SMC1B: variants seen among roughly 807,000 people sequenced by gnomAD.
SMC1B encodes the protein structural maintenance of chromosomes 1B.
In SMC1B, 60 loss-of-function variants were observed where a neutral mutation model predicts 157.9. That is an observed-to-expected ratio of 0.38 (90% CI 0.31 to 0.47). The LOEUF (loss-of-function observed/expected upper bound fraction) is 0.47, where lower values mean the gene tolerates loss of function less well. Ranked by LOEUF, SMC1B falls within the 20% of genes least tolerant of loss-of-function variation. The pLI, the probability that SMC1B is intolerant of heterozygous loss-of-function variation, is 0.99. For synonymous variants in SMC1B, 445 were observed against 483.0 expected, an observed-to-expected ratio of 0.92 and a Z score of 1.03; for missense variants, 1,165 against 1,426.2, an observed-to-expected ratio of 0.82 and a Z score of 2.95.
In SMC1B at chr22:45,359,873, C is replaced by T. The variant is rs1230121136; in HGVS notation, c.2794G>A (p.Asp932Asn). The change falls in exon 18 of 25, where the codon GAT becomes AAT. Residue 932 changes from aspartate (D) to asparagine (N), a missense_variant. Physicochemically the swap from Asp to Asn is conservative, Grantham distance 23. Transcript: ENST00000357450. ...KRLEKHNLLL[D>N]CKVQDIEIIL... is the part of the protein sequence containing the mutation. Reference sequence around the variant, plus strand: ...ATCTCAATGTCTTGCACTTTGCAATCAAGCAGCAAGTTATGCTTCTCTAAT... The same window carrying T: ...ATCTCAATGTCTTGCACTTTGCAATTAAGCAGCAAGTTATGCTTCTCTAAT... 1.2e-6 allele frequency: 2 copies of T among 1,614,154 alleles called. No homozygotes were observed. Among genetic ancestry groups the T allele is most frequent in the Non-Finnish European group, 1.7e-6 (2 of 1,179,994 alleles).
At chr22:45,398,388 G>A (rs1049815143) in intron 6 of SMC1B, among the ~76,000 whole-genome samples, 6 of 152,206 alleles carry the variant, frequency 3.9e-5, no homozygotes, top group East Asian at 1.9e-4. Context: ...GTGAGCAGTC[G>A]TGGCAGCTGT....
At chr22:45,380,406 C>T (rs951270647) in intron 12 of SMC1B, among the ~76,000 whole-genome samples, 3 of 152,064 alleles carry the variant, frequency 2.0e-5, no homozygotes, top group Non-Finnish European at 4.4e-5. Flanking sequence ...TTTTAATTTT[C>T]TCCTTCTCTA....
intron 10 of SMC1B, 60 bp downstream of exon 10, chr22:45,389,652 T>C (rs1014536470): frequency 1.4e-6 from 2 of 1,460,048 alleles, no homozygotes; most frequent in Admixed American, 4.0e-5. Context: ...GGCAATAAGA[T>C]CATTCTTTAA....
chr22:45,359,648 T>A (rs2086701895), intron 18 of SMC1B, among the ~76,000 whole-genome samples, 157 bp downstream of exon 18: 1 of 152,250 alleles, frequency 6.6e-6, no homozygotes, highest in African/African-American at 2.4e-5. Context: ...CCCGTGGCCC[T>A]AGTCCTCTGA....
At chr22:45,407,796 G>A (rs1383411323) in intron 2 of SMC1B, among the ~76,000 whole-genome samples, 1 of 152,064 alleles carries the variant, frequency 6.6e-6, no homozygotes, top group Non-Finnish European at 1.5e-5. Context: ...GCCTAATGCA[G>A]AAGTGACTAT....
At chr22:45,388,388 TG>T (rs2087014086) in intron 10 of SMC1B, among the ~76,000 whole-genome samples, 1 of 152,174 alleles carries the variant, frequency 6.6e-6, no homozygotes, top group Non-Finnish European at 1.5e-5. Context: ...TACACTTCTG[TG>T]TAAGATTTTT....
chr22:45,360,032 T>C, intron 17 of SMC1B, 74 bp from the exon 18 acceptor site: 3 of 1,116,658 alleles, frequency 2.7e-6, no homozygotes, highest in Non-Finnish European at 3.9e-6. Context: ...AAATGTATGC[T>C]ATAAACTTTT....
At chr22:45,408,969 C>T in intron 1 of SMC1B, 71 bp from the exon 2 acceptor site, 1 of 924,758 alleles carries the variant, frequency 1.1e-6, no homozygotes. Context: ...CTGAAGAAAT[C>T]AGGCCACCAA....
chr22:45,413,597 A>C lies in SMC1B; in HGVS notation c.-30T>G, dbSNP rs1275197682. The C allele has an allele frequency of 6.4e-7, 1 of 1,565,898 alleles. No individual in the cohort carries two copies. Among genetic ancestry groups the C allele is most frequent in the Non-Finnish European group, 8.7e-7 (1 of 1,151,204 alleles). On this transcript the variant is annotated 5_prime_UTR_variant, in exon 1 of 25. Transcript: ENST00000357450. Reference sequence around the variant, plus strand: ...CCGCCCTCCACGCCTCACCCGCGTTATCAAGCGCCCGCGGAAAAAGCGCGG... The same window carrying C: ...CCGCCCTCCACGCCTCACCCGCGTTCTCAAGCGCCCGCGGAAAAAGCGCGG...
intron 5 of SMC1B, among the ~76,000 whole-genome samples, chr22:45,400,559 C>A (rs186526849): frequency 6.6e-6 from 1 of 152,164 alleles, no homozygotes; most frequent in Non-Finnish European, 1.5e-5. Flanking sequence ...CAAATCTGTG[C>A]AGAATTCCAA....
rs776455420 is a variant in SMC1B at position 45,372,146 on chromosome 22, C to T, written c.2196+9G>A. On this transcript the variant is annotated intron_variant, in intron 13 of 24. Transcript: ENST00000357450. ...AATGCCTATCATATTTTATGTAAGTCTATATTACCTGGTAAAAAGCAACAA... is the reference window on the plus strand; with the variant it reads ...AATGCCTATCATATTTTATGTAAGTTTATATTACCTGGTAAAAAGCAACAA... 6.3e-7 allele frequency: 1 copy of T among 1,591,544 alleles called. No homozygotes were observed. Among genetic ancestry groups the T allele is most frequent in the Admixed American group, 1.8e-5 (1 of 55,498 alleles).
intron 14 of SMC1B, 105 bp from the exon 15 acceptor site, chr22:45,370,165 T>C: frequency 1.7e-6 from 1 of 588,478 alleles, no homozygotes; most frequent in Middle Eastern, 4.6e-4. Context: ...GGCCAAAAAC[T>C]AATCCCACCA....
rs1346379803 is a variant in SMC1B at position 45,370,038 on chromosome 22, T to C, written c.2336A>G (p.His779Arg). 7 of 1,585,984 alleles carry C rather than the reference T, an allele frequency of 4.4e-6. No individual in the cohort carries two copies. In the African/African-American group the frequency reaches 9.5e-5, roughly 21 times the overall value. Residue 779 changes from histidine (H) to arginine (R), a missense_variant, in exon 15 of 25, where the codon CAC becomes CGC. Coordinates refer to ENST00000357450, the MANE Select transcript of SMC1B (RefSeq NM_148674.5). ...IDKVEDDIFQHFCEEIGVENI... is the reference protein window; with the variant it reads ...IDKVEDDIFQRFCEEIGVENI... ...TTCCACGCCAATTTCTTCACAGAAG[T>C]GTTGGAAGATATCGTCTTCTACCTT... is the stretch of plus-strand genomic sequence containing the variant.
chr22:45,374,046 C>A (rs2086859913), intron 12 of SMC1B, among the ~76,000 whole-genome samples: 1 of 144,464 alleles, frequency 6.9e-6, no homozygotes. Flanking sequence ...TAAAAGAAAC[C>A]GGAAAATAAG....
Position 45,396,470 on chromosome 22 carries a change from T to G in SMC1B, c.1130A>C (p.Glu377Ala). ...TTTCTTTCTTACTTGTTCCTTAAGTTCTTTATAACGATCCAGCTGCATAAA... is the reference window on the plus strand; with the variant it reads ...TTTCTTTCTTACTTGTTCCTTAAGTGCTTTATAACGATCCAGCTGCATAAA... The part of the protein sequence containing the change: ...LEASQLDRYK[E>A]LKEQVRKKVA... Residue 377 changes from glutamate to alanine, a missense_variant, in exon 7 of 25, where the codon GAA becomes GCA. Glu to Ala is a moderately radical substitution (Grantham distance 107). Coordinates refer to ENST00000357450, the MANE Select transcript of SMC1B (RefSeq NM_148674.5). The G allele has an allele frequency of 6.2e-7, 1 of 1,612,524 alleles. No homozygotes were observed. The highest frequency in any genetic ancestry group is 8.5e-7 in the Non-Finnish European group (1 of 1,179,436).
chr22:45,401,122 A>G (rs1256205301), intron 5 of SMC1B, among the ~76,000 whole-genome samples: 1 of 152,246 alleles, frequency 6.6e-6, no homozygotes, highest in African/African-American at 2.4e-5. Flanking sequence ...TAATGTATCA[A>G]TATTAGTTTA....
rs1302153645 is a variant in SMC1B, at chr22:45,406,780, G to A, written c.384C>T (p.Val128=). 1.9e-6 allele frequency: 3 copies of A among 1,594,586 alleles called. No homozygotes were observed. The highest frequency in any genetic ancestry group is 2.2e-5 in the East Asian group (1 of 44,738). The change falls in exon 3 of 25, where the codon GTC becomes GTT. Residue 128 remains valine, a synonymous_variant. Transcript: ENST00000357450. ...GAAAAACCAAACAATTTTGTGCTTT[G>A]ACTATTATGCCTATCTTTTCCAACT... The part of the protein sequence containing the change: ...IAELEKIGII[V]KAQNCLVFQG...
At chr22:45,396,612 C>A in intron 6 of SMC1B, 126 bp from the exon 7 acceptor site, 2 of 611,716 alleles carry the variant, frequency 3.3e-6, no homozygotes, top group Non-Finnish European at 4.9e-6. Context: ...TAAATTAAAT[C>A]ATAATCGACC....
chr22:45,383,868 G>A (rs1315803258), intron 11 of SMC1B, among the ~76,000 whole-genome samples: 1 of 152,114 alleles, frequency 6.6e-6, no homozygotes, highest in African/African-American at 2.4e-5. Flanking sequence ...ATCCGGGTTG[G>A]TTCCAATTTT....
Sources: allele counts gnomAD v4.1 joint callset (sites outside exome capture counted in the v4.1 genomes callset), GRCh38; gene constraint gnomAD v4.1.1; transcripts MANE v1.5; gene names NCBI Gene and HGNC (gene_info 2026-07-23, HGNC 2026-07-21).